DCLK1: variants seen among roughly 807,000 people sequenced by gnomAD.
DCLK1 encodes the protein serine/threonine-protein kinase DCLK1.
DCLK1 carries 16 observed loss-of-function variants against 86.2 expected under a neutral mutation model. That is an observed-to-expected ratio of 0.19 (90% CI 0.13 to 0.28). The LOEUF (loss-of-function observed/expected upper bound fraction) is 0.28, where lower values mean the gene tolerates loss of function less well. Among genes scored for constraint, DCLK1 ranks in the 10% least tolerant of loss-of-function variants. The probability of loss-of-function intolerance (pLI) is 1.00; values close to 1 mark genes in which losing one functional copy is unlikely to be tolerated. For synonymous variants in DCLK1, 369 were observed against 370.5 expected, an observed-to-expected ratio of 1.00 and a Z score of 0.05; for missense variants, 590 against 940.2, an observed-to-expected ratio of 0.63 and a Z score of 4.87.
chr13:35,944,096 C>T (rs1431041216), intron 4 of DCLK1, among the ~76,000 whole-genome samples: 1 of 152,086 alleles, frequency 6.6e-6, no homozygotes, highest in African/African-American at 2.4e-5. Flanking sequence ...TGGCAGTTTC[C>T]GATATTAATC....
At chr13:35,917,949 G>A (rs961326078) in intron 4 of DCLK1, among the ~76,000 whole-genome samples, 2 of 152,130 alleles carry the variant, frequency 1.3e-5, no homozygotes, top group East Asian at 1.9e-4. Flanking sequence ...GCAGAGAGCC[G>A]CCAGCTCATG....
chr13:36,078,053 G>A (rs1884273167), intron 3 of DCLK1, among the ~76,000 whole-genome samples: 1 of 152,158 alleles, frequency 6.6e-6, no homozygotes, highest in South Asian at 2.1e-4. Context: ...TTTGGAGATG[G>A]AGCCTTTGGA....
chr13:35,854,132 C>A (rs1870873146), intron 6 of DCLK1, among the ~76,000 whole-genome samples: 1 of 152,160 alleles, frequency 6.6e-6, no homozygotes, highest in Admixed American at 6.5e-5. Context: ...TCCACCAGGG[C>A]CCTCCCCTCC....
chr13:36,007,214 G>A (rs972748576), intron 3 of DCLK1, among the ~76,000 whole-genome samples: 6 of 152,104 alleles, frequency 3.9e-5, no homozygotes, highest in Non-Finnish European at 5.9e-5. Flanking sequence ...AGACCTTCGG[G>A]AACAGCCTCA....
chr13:35,793,509 A>G, intron 15 of DCLK1, 30 bp from the exon 16 acceptor site: 1 of 1,529,400 alleles, frequency 6.5e-7, no homozygotes, highest in Non-Finnish European at 8.9e-7. Context: ...GAGAAGAGAA[A>G]AAGAAAGAAA....
At position 35,795,882 on chromosome 13, in the gene DCLK1, G is replaced by A. The variant is rs370431496; in HGVS notation, c.1945-2403C>T. ...GGAATTTGCAGTGAGCTGAGACTGC[G>A]CCATTGCACTCCAGCCTGGGCAACA... is the stretch of plus-strand genomic sequence containing the variant. On this transcript the variant is annotated intron_variant, in intron 15 of 16. Coordinates refer to ENST00000360631, the MANE Select transcript of DCLK1 (RefSeq NM_001330071.2). 1.8e-4 allele frequency among the ~76,000 whole-genome samples: 24 copies of A among 131,166 alleles called. No individual in the cohort carries two copies. In the South Asian group the frequency reaches 5.2e-3, roughly 28 times the overall value. The allele number at this position is 131,166 out of a possible 152,430, so 86.0% of individuals were successfully genotyped here. A position where few individuals can be genotyped will look rare whatever the true frequency, so the allele number is the denominator to read the frequency against.
intron 15 of DCLK1, among the ~76,000 whole-genome samples, chr13:35,798,508 G>A (rs1037071558): frequency 1.3e-5 from 2 of 152,078 alleles, no homozygotes; most frequent in Non-Finnish European, 2.9e-5. Context: ...TAGCAGTTCC[G>A]CTGCACCTCC....
intron 4 of DCLK1, among the ~76,000 whole-genome samples, chr13:35,882,630 T>C (rs572594204): frequency 1.1e-4 from 16 of 152,228 alleles, no homozygotes; most frequent in Non-Finnish European, 2.4e-4. Flanking sequence ...TTTTAGTTTC[T>C]TAACTGCACT....
At chr13:36,031,077 C>T (rs1372006270) in intron 3 of DCLK1, among the ~76,000 whole-genome samples, 2 of 152,210 alleles carry the variant, frequency 1.3e-5, no homozygotes, top group African/African-American at 4.8e-5. Flanking sequence ...CCCAGCACCA[C>T]AGTGATTGCT....
intron 3 of DCLK1, among the ~76,000 whole-genome samples, chr13:36,008,633 T>G (rs1881135178): frequency 7.4e-6 from 1 of 135,706 alleles, no homozygotes; most frequent in Admixed American, 7.8e-5. Flanking sequence ...TTGTTGGACA[T>G]TTGGGTTGGT....
At chr13:35,849,263 A>C in intron 6 of DCLK1, 1 of 985,348 alleles carries the variant, frequency 1.0e-6, no homozygotes, top group Non-Finnish European at 1.2e-6. Flanking sequence ...ACAATTTATC[A>C]GGGAGATAAA....
chr13:35,817,422 G>GTTCA (rs2087294356), intron 11 of DCLK1, among the ~76,000 whole-genome samples: 1 of 151,932 alleles, frequency 6.6e-6, no homozygotes, highest in Non-Finnish European at 1.5e-5. Context: ...GTTTCTGCCC[G>GTTCA]GACACTCACA....
At chr13:35,847,668 A>G (rs1257962912) in intron 6 of DCLK1, 1 of 970,748 alleles carries the variant, frequency 1.0e-6, no homozygotes, top group Non-Finnish European at 1.2e-6. Context: ...AAAGAGCCCA[A>G]TCATGTATAG....
At chr13:36,108,996 G>C (rs1283726774) in intron 3 of DCLK1, among the ~76,000 whole-genome samples, 1 of 152,102 alleles carries the variant, frequency 6.6e-6, no homozygotes, top group African/African-American at 2.4e-5. Flanking sequence ...TCTCTGCCAG[G>C]GTTGTCAAAA....
intron 3 of DCLK1, among the ~76,000 whole-genome samples, chr13:36,063,829 A>G (rs1883645292): frequency 6.6e-6 from 1 of 152,232 alleles, no homozygotes; most frequent in Admixed American, 6.5e-5. Context: ...GCATATACTC[A>G]GTTCCTAGTA....
chr13:36,000,649 A>G (rs1880672249), intron 3 of DCLK1, among the ~76,000 whole-genome samples: 1 of 152,192 alleles, frequency 6.6e-6, no homozygotes, highest in Admixed American at 6.5e-5. Flanking sequence ...GAAATGCCTT[A>G]TTGGGGAATT....
chr13:35,969,643 T>C (rs1466341527), intron 3 of DCLK1, among the ~76,000 whole-genome samples: 1 of 152,110 alleles, frequency 6.6e-6, no homozygotes, highest in African/African-American at 2.4e-5. Context: ...ATGGCATGTT[T>C]CCCTATCAGG....
chr13:35,907,683 C>A (rs1400609896), intron 4 of DCLK1, among the ~76,000 whole-genome samples: 1 of 151,934 alleles, frequency 6.6e-6, no homozygotes, highest in Non-Finnish European at 1.5e-5. Context: ...CCAAAGCCAC[C>A]CCATTTCTCT....
At chr13:35,821,099 C>T (rs769923528) in intron 11 of DCLK1, among the ~76,000 whole-genome samples, 3 of 152,136 alleles carry the variant, frequency 2.0e-5, no homozygotes, top group Non-Finnish European at 4.4e-5. Context: ...AGGTTGAGAC[C>T]TTGGCTCTTC....
Sources: gnomAD v4.1 joint callset for allele counts (sites outside exome capture counted in the v4.1 genomes callset) on GRCh38, gnomAD v4.1.1 for gene constraint, MANE v1.5 for transcripts, NCBI Gene and HGNC (gene_info 2026-07-23, HGNC 2026-07-21) for gene names.